The following MTUS2 variants were observed in gnomAD, a reference collection of about 807,000 sequenced individuals.
MTUS2 encodes the protein microtubule associated scaffold protein 2, also known as microtubule-associated tumor suppressor candidate 2.
MTUS2 carries 40 observed loss-of-function variants against 114.1 expected under a neutral mutation model. The observed-to-expected ratio is 0.35, with a 90% CI of 0.27 to 0.46. MTUS2 has a LOEUF of 0.46. Among genes scored for constraint, MTUS2 ranks in the 20% least tolerant of loss-of-function variants. The pLI is 1.00. For synonymous variants in MTUS2, 688 were observed against 672.0 expected (o/e 1.02, Z -0.37); for missense variants, 1,679 against 1,705.4 (o/e 0.98, Z 0.27).
chr13:29,399,645 A>G (rs1874173891), intron 8 of MTUS2, among the ~76,000 whole-genome samples: 1 of 152,218 alleles, frequency 6.6e-6, no homozygotes, highest in Non-Finnish European at 1.5e-5. Flanking sequence ...AAGAAAGGAA[A>G]AATATCAAAG....
At chr13:28,847,339 C>T (rs1875956335) in intron 2 of MTUS2, among the ~76,000 whole-genome samples, 1 of 151,862 alleles carries the variant, frequency 6.6e-6, no homozygotes, top group Non-Finnish European at 1.5e-5. Flanking sequence ...TAAGTTTTTG[C>T]CTCCCAGATA....
chr13:29,117,582 A>G (rs1307706689), intron 5 of MTUS2, among the ~76,000 whole-genome samples: 1 of 152,192 alleles, frequency 6.6e-6, no homozygotes. Context: ...AACTGTGTCT[A>G]CATGTACACA....
At chr13:29,189,770 A>G (rs1593578861) in intron 5 of MTUS2, among the ~76,000 whole-genome samples, 1 of 152,192 alleles carries the variant, frequency 6.6e-6, no homozygotes, top group African/African-American at 2.4e-5. Flanking sequence ...AGTTTCTTCC[A>G]TGATAAACCT....
At chr13:28,947,260 G>T (rs2138157981) in intron 2 of MTUS2, among the ~76,000 whole-genome samples, 1 of 152,146 alleles carries the variant, frequency 6.6e-6, no homozygotes, top group African/African-American at 2.4e-5. Flanking sequence ...TGAAAGCAGG[G>T]GATGCTTTCA....
chr13:29,112,874 G>A (rs78685042), intron 5 of MTUS2, among the ~76,000 whole-genome samples: 402 of 152,258 alleles, frequency 2.6e-3, no homozygotes, highest in African/African-American at 9.3e-3. Context: ...TTAAGAAGTA[G>A]AGTTTTTGCA....
chr13:29,493,430 C>G (rs1030375048), intron 12 of MTUS2, among the ~76,000 whole-genome samples: 1 of 152,194 alleles, frequency 6.6e-6, no homozygotes, highest in African/African-American at 2.4e-5. Context: ...CCAAGTGTAG[C>G]AATTCCAATC....
rs565867273 is a variant in MTUS2 at position 29,214,022 on chromosome 13, G to A, written c.2645-67682G>A. On this transcript the variant is annotated intron_variant, in intron 5 of 15. Coordinates refer to ENST00000612955, the MANE Select transcript of MTUS2 (RefSeq NM_001033602.4). Reference sequence around the variant, plus strand: ...TTTAGGGTTCATAATATTAATGTATGTTTTTATCCTTTAACTTTCTAGCTT... The same window carrying A: ...TTTAGGGTTCATAATATTAATGTATATTTTTATCCTTTAACTTTCTAGCTT... Among the ~76,000 whole-genome samples, 311 of 151,484 alleles carry A rather than the reference G, an allele frequency of 2.1e-3. 2 individuals carry two copies. Among genetic ancestry groups the A allele is most frequent in the African/African-American group, 7.3e-3 (302 of 41,310 alleles).
At chr13:29,192,928 T>C (rs1404619261) in intron 5 of MTUS2, among the ~76,000 whole-genome samples, 2 of 152,152 alleles carry the variant, frequency 1.3e-5, no homozygotes, top group Middle Eastern at 6.3e-3. Context: ...TGGTAAATTA[T>C]AATATAAGAG....
At chr13:29,217,555 A>G (rs1056048539) in intron 5 of MTUS2, among the ~76,000 whole-genome samples, 2 of 152,214 alleles carry the variant, frequency 1.3e-5, no homozygotes, top group African/African-American at 4.8e-5. Flanking sequence ...TCAGCAAGTC[A>G]TAATTTTTTT....
At chr13:28,891,644 C>G (rs1432226568) in intron 2 of MTUS2, among the ~76,000 whole-genome samples, 2 of 151,782 alleles carry the variant, frequency 1.3e-5, no homozygotes, top group Non-Finnish European at 2.9e-5. Context: ...CTTTGGGAGG[C>G]CGAGGTGGGC....
chr13:29,382,910 AAACCTGGCTGACTGAGGGAC>A (rs1485479625), intron 8 of MTUS2, among the ~76,000 whole-genome samples: 1 of 152,144 alleles, frequency 6.6e-6, no homozygotes, highest in African/African-American at 2.4e-5. Flanking sequence ...CAAATGAGAG[AAACCTGGCTGACTGAGGGAC>A]AGAGGAGAGA....
At chr13:29,016,264 A>T (rs1159217086) in intron 2 of MTUS2, among the ~76,000 whole-genome samples, 1 of 152,102 alleles carries the variant, frequency 6.6e-6, no homozygotes, top group African/African-American at 2.4e-5. Context: ...ATCATCCAAG[A>T]CAAAAACAAA....
At chr13:29,270,619 G>A (rs901037062) in intron 5 of MTUS2, among the ~76,000 whole-genome samples, 1 of 152,212 alleles carries the variant, frequency 6.6e-6, no homozygotes, top group African/African-American at 2.4e-5. Context: ...TCTCCCTATG[G>A]GGAGGAACAA....
At chr13:28,919,120 G>A (rs1290758379) in intron 2 of MTUS2, among the ~76,000 whole-genome samples, 1 of 152,080 alleles carries the variant, frequency 6.6e-6, no homozygotes, top group Non-Finnish European at 1.5e-5. Context: ...CACACTTAGA[G>A]TGTTAAAATA....
intron 5 of MTUS2, among the ~76,000 whole-genome samples, chr13:29,270,420 A>G (rs371701988): frequency 2.0e-5 from 3 of 152,238 alleles, no homozygotes; most frequent in East Asian, 1.9e-4. Context: ...TTCTAGCACT[A>G]CTTCTCAGAG....
chr13:28,987,774 G>A (rs949068435), intron 2 of MTUS2, among the ~76,000 whole-genome samples: 2 of 152,202 alleles, frequency 1.3e-5, no homozygotes, highest in Admixed American at 1.3e-4. Context: ...TCCATAAAAA[G>A]CACACATCCC....
chr13:29,474,818 G>C (rs1215310919), intron 9 of MTUS2, among the ~76,000 whole-genome samples: 3 of 152,086 alleles, frequency 2.0e-5, no homozygotes, highest in Non-Finnish European at 4.4e-5. Flanking sequence ...TGTATTAAAA[G>C]ATATGTGTCA....
At chr13:29,457,881 C>A (rs1285645493) in intron 9 of MTUS2, among the ~76,000 whole-genome samples, 1 of 151,960 alleles carries the variant, frequency 6.6e-6, no homozygotes, top group Non-Finnish European at 1.5e-5. Flanking sequence ...TTTTAACCTG[C>A]ATTTCTCTGG....
At chr13:28,927,969 C>T (rs952339112) in intron 2 of MTUS2, among the ~76,000 whole-genome samples, 1 of 152,106 alleles carries the variant, frequency 6.6e-6, no homozygotes, top group East Asian at 1.9e-4. Context: ...CACACCTTTA[C>T]AGCCAACTCG....
Sources: allele counts gnomAD v4.1 joint callset (sites outside exome capture counted in the v4.1 genomes callset), GRCh38; gene constraint gnomAD v4.1.1; transcripts MANE v1.5; gene names NCBI Gene and HGNC (gene_info 2026-07-23, HGNC 2026-07-21).